STRBP: variants seen among roughly 807,000 people sequenced by gnomAD.
The protein encoded by STRBP is spermatid perinuclear RNA-binding protein.
Under a neutral mutation model 80.1 loss-of-function variants are expected in STRBP, and 13 were observed. That is an observed-to-expected ratio of 0.16 (90% CI 0.11 to 0.26). STRBP has a LOEUF of 0.26. STRBP is among the 10% of genes least tolerant of loss of function. The pLI, the probability that STRBP is intolerant of heterozygous loss-of-function variation, is 1.00. For synonymous variants in STRBP, 284 were observed against 291.2 expected (o/e 0.98, Z 0.25); for missense variants, 485 against 815.2 (o/e 0.59, Z 4.93).
chr9:123,266,786 C>T (rs1304942771), intron 1 of STRBP, among the ~76,000 whole-genome samples: 1 of 152,020 alleles, frequency 6.6e-6, no homozygotes, highest in African/African-American at 2.4e-5. Context: ...TCTGCCTTGC[C>T]CTTCCCTTAC....
chr9:123,186,282 G>A (rs1340806488), intron 2 of STRBP, among the ~76,000 whole-genome samples: 10 of 152,044 alleles, frequency 6.6e-5, no homozygotes, highest in African/African-American at 2.4e-4. Context: ...CAGTAGGGTG[G>A]GGCTGCAGTG....
intron 3 of STRBP, among the ~76,000 whole-genome samples, chr9:123,182,844 T>A (rs536865630): frequency 2.0e-5 from 3 of 152,026 alleles, no homozygotes; most frequent in South Asian, 4.1e-4. Context: ...AAACCCTGTC[T>A]CTACAAAAAA....
chr9:123,158,690 A>C (rs536035265), intron 9 of STRBP, among the ~76,000 whole-genome samples: 9 of 152,288 alleles, frequency 5.9e-5, no homozygotes, highest in African/African-American at 2.2e-4. Flanking sequence ...GAGAATTTAG[A>C]AACAGCACAA....
intron 2 of STRBP, among the ~76,000 whole-genome samples, chr9:123,211,097 TAGC>T (rs1449594227): frequency 6.6e-6 from 1 of 152,196 alleles, no homozygotes; most frequent in African/African-American, 2.4e-5. Context: ...AGAATGTTCA[TAGC>T]AAGACTGTTC....
At chr9:123,190,997 T>C (rs1170928316) in intron 2 of STRBP, among the ~76,000 whole-genome samples, 1 of 152,192 alleles carries the variant, frequency 6.6e-6, no homozygotes, top group Non-Finnish European at 1.5e-5. Flanking sequence ...GGCACTGTCC[T>C]AGGCACTTTG....
chr9:123,152,566 A>G (rs1055633474), intron 11 of STRBP, among the ~76,000 whole-genome samples: 1 of 152,166 alleles, frequency 6.6e-6, no homozygotes, highest in African/African-American at 2.4e-5. Flanking sequence ...AACTATTGAC[A>G]CACACAACAA....
At chr9:123,221,564 T>C (rs2040069220) in intron 2 of STRBP, among the ~76,000 whole-genome samples, 1 of 152,236 alleles carries the variant, frequency 6.6e-6, no homozygotes, top group South Asian at 2.1e-4. Context: ...ATAGTTAACG[T>C]TTTGCTACAT....
chr9:123,247,972 T>A (rs2040832679), intron 1 of STRBP, among the ~76,000 whole-genome samples: 1 of 152,314 alleles, frequency 6.6e-6, no homozygotes, highest in Middle Eastern at 3.4e-3. Flanking sequence ...TTTGTAAGTT[T>A]TTTTAAATCG....
intron 1 of STRBP, among the ~76,000 whole-genome samples, chr9:123,250,948 T>C (rs531061052): frequency 6.6e-6 from 1 of 152,136 alleles, no homozygotes; most frequent in African/African-American, 2.4e-5. Context: ...ACCCCATTTC[T>C]ACAAAAAAAC....
chr9:123,159,724 T>C (rs1189205720), intron 8 of STRBP, among the ~76,000 whole-genome samples: 1 of 152,214 alleles, frequency 6.6e-6, no homozygotes, highest in Admixed American at 6.5e-5. Flanking sequence ...GTCAAAGTAA[T>C]CATTGCTACA....
At chr9:123,222,728 G>C (rs971301716) in intron 2 of STRBP, among the ~76,000 whole-genome samples, 25 of 152,138 alleles carry the variant, frequency 1.6e-4, no homozygotes, top group Non-Finnish European at 1.5e-5. Flanking sequence ...TCTTAAAGAA[G>C]TTGAATTAAC....
At chr9:123,225,523 C>T (rs776705309) in intron 2 of STRBP, among the ~76,000 whole-genome samples, 2 of 152,118 alleles carry the variant, frequency 1.3e-5, no homozygotes, top group Admixed American at 6.5e-5. Flanking sequence ...TATGAGGCAG[C>T]GCCTACCTCC....
intron 16 of STRBP, 91 bp downstream of exon 16, chr9:123,135,949 GA>G: frequency 6.6e-7 from 1 of 1,525,984 alleles, no homozygotes; most frequent in Non-Finnish European, 8.8e-7. Context: ...AACAACTTCA[GA>G]AAAAGCTAAA....
At chr9:123,243,375 TAAAC>T (rs2040738579) in intron 1 of STRBP, among the ~76,000 whole-genome samples, 2 of 150,400 alleles carry the variant, frequency 1.3e-5, no homozygotes, top group African/African-American at 4.9e-5. Flanking sequence ...CTTTCAGAAA[TAAAC>T]ACACTTTTAG....
At chr9:123,155,494 C>T (rs140207291) in intron 11 of STRBP, among the ~76,000 whole-genome samples, 24 of 152,074 alleles carry the variant, frequency 1.6e-4, no homozygotes, top group East Asian at 5.8e-4. Context: ...AGTAAAGGTA[C>T]GTGCTAGAGA....
At position 123,125,401 on chromosome 9, in the gene STRBP, A is replaced by G. The variant is rs1397923985; in HGVS notation, c.*196T>C. 3 of 1,238,464 alleles carry G rather than the reference A, an allele frequency of 2.4e-6. No individual in the cohort carries two copies. The highest frequency in any genetic ancestry group is 3.5e-5 in the African/African-American group (2 of 56,446). 76.7% of individuals were successfully genotyped at this position (1,238,464 alleles called of 1,614,324 possible). ...CAGAAATGAGGTACCGTTTTCACAG[A>G]ACTGGTTTCTTTTTTTTTTTTCAAG... On this transcript the variant is annotated 3_prime_UTR_variant, in exon 19 of 19. Transcript: ENST00000348403.
At chr9:123,168,951 G>A (rs968356201) in intron 6 of STRBP, among the ~76,000 whole-genome samples, 1 of 152,114 alleles carries the variant, frequency 6.6e-6, no homozygotes, top group African/African-American at 2.4e-5. Context: ...AACTTCAGAA[G>A]AAAGTTAGTT....
chr9:123,181,052 A>C (rs1564273009), intron 3 of STRBP: 2 of 434,888 alleles, frequency 4.6e-6, no homozygotes, highest in African/African-American at 2.1e-5. Flanking sequence ...TAAAGCAAAG[A>C]AAACTTTGGT....
At chr9:123,263,856 A>G (rs1354902471) in intron 1 of STRBP, among the ~76,000 whole-genome samples, 1 of 152,226 alleles carries the variant, frequency 6.6e-6, no homozygotes, top group Non-Finnish European at 1.5e-5. Context: ...ATACATAGGA[A>G]AATGTATTAT....
Sources: allele counts gnomAD v4.1 joint callset (sites outside exome capture counted in the v4.1 genomes callset), GRCh38; gene constraint gnomAD v4.1.1; transcripts MANE v1.5; gene names NCBI Gene and HGNC (gene_info 2026-07-23, HGNC 2026-07-21).